AGMO: variants seen among roughly 807,000 people sequenced by gnomAD.
The protein encoded by AGMO is alkylglycerol monooxygenase, also known as glyceryl-ether monooxygenase.
A neutral mutation model predicts 60.2 loss-of-function variants in AGMO; 75 were observed. That is an observed-to-expected ratio of 1.25 (90% confidence interval 1.03 to 1.51). The LOEUF (loss-of-function observed/expected upper bound fraction) is 1.51, where lower values mean the gene tolerates loss of function less well. AGMO is among the 40% of genes most tolerant of loss of function. AGMO has a pLI of 0.00. For missense variants in AGMO, 763 were observed against 525.5 expected (o/e 1.45, Z -4.42); for synonymous variants, 261 against 177.1 (o/e 1.47, Z -3.76).
intron 3 of AGMO, among the ~76,000 whole-genome samples, chr7:15,437,364 A>G (rs1413910307): frequency 1.3e-5 from 2 of 152,294 alleles, no homozygotes; most frequent in East Asian, 3.9e-4. Flanking sequence ...CTCACTTAAT[A>G]TCAGAACACA....
At position 15,524,458 on chromosome 7, in the gene AGMO, TA is replaced by T. The variant is rs748153781; in HGVS notation, c.409+20313del. Among the ~76,000 whole-genome samples, 16 of 152,290 alleles carry T rather than the reference TA, an allele frequency of 1.1e-4. No individual in the cohort carries two copies. The East Asian group carries it at 1.5e-3, about 15-fold the overall frequency. ...CTAAAGTTTAATTGGTAATTATTTA[TA>T]AAAAATGCTAATTTTTGACAACTAA... On this transcript the variant is annotated intron_variant, in intron 3 of 12. Coordinates refer to ENST00000342526, the MANE Select transcript of AGMO (RefSeq NM_001004320.2).
chr7:15,444,682 T>C (rs1781653197), intron 3 of AGMO, among the ~76,000 whole-genome samples: 1 of 152,216 alleles, frequency 6.6e-6, no homozygotes, highest in African/African-American at 2.4e-5. Context: ...CTTTAAAAGA[T>C]CAACTCTTGT....
At chr7:15,497,705 C>T (rs1038802194) in intron 3 of AGMO, among the ~76,000 whole-genome samples, 1 of 151,976 alleles carries the variant, frequency 6.6e-6, no homozygotes, top group African/African-American at 2.4e-5. Flanking sequence ...TTTATTATTG[C>T]AATTTAACAG....
At chr7:15,287,618 G>C (rs1339140078) in intron 12 of AGMO, among the ~76,000 whole-genome samples, 1 of 152,130 alleles carries the variant, frequency 6.6e-6, no homozygotes, top group African/African-American at 2.4e-5. Flanking sequence ...TATTTTAAAA[G>C]TGAGTTGTAT....
Position 15,322,617 on chromosome 7 carries a change from TATAA to T in AGMO, c.1263+42893_1263+42896del, listed in dbSNP as rs1434913758. On this transcript the variant is annotated intron_variant, in intron 12 of 12. Coordinates refer to ENST00000342526, the MANE Select transcript of AGMO (RefSeq NM_001004320.2). ...AAATATATATAAATATATATAAATA[TATAA>T]ATATATATAAATATATATAAATATA... is the stretch of plus-strand genomic sequence containing the variant. 1.6e-4 allele frequency among the ~76,000 whole-genome samples: 10 copies of T among 64,466 alleles called. 1 individual carries two copies. Among genetic ancestry groups the T allele is most frequent in the African/African-American group, 9.2e-4 (10 of 10,824 alleles). 42.3% of individuals were successfully genotyped at this position (64,466 alleles called of 152,430 possible).
chr7:15,509,585 G>C (rs1194625993), intron 3 of AGMO, among the ~76,000 whole-genome samples: 3 of 151,896 alleles, frequency 2.0e-5, no homozygotes, highest in Non-Finnish European at 4.4e-5. Context: ...TAAACAAATA[G>C]ACTATATCAA....
In AGMO at chr7:15,251,372, A is replaced by T. The variant is rs74364339; in HGVS notation, c.1264-50013T>A. On this transcript the variant is annotated intron_variant, in intron 12 of 12. Transcript: ENST00000342526. ...TGTCCTGGGAAATTAAAACAAGATA[A>T]CTTAATGCAGAACATTTGTTCCATC... Among the ~76,000 whole-genome samples, 18 of 152,304 alleles carry T rather than the reference A, an allele frequency of 1.2e-4. 1 individual carries two copies. In the East Asian group the frequency reaches 3.3e-3, roughly 28 times the overall value.
intron 12 of AGMO, among the ~76,000 whole-genome samples, chr7:15,234,405 C>G (rs1583314487): frequency 1.3e-5 from 2 of 152,324 alleles, no homozygotes; most frequent in South Asian, 4.1e-4. Flanking sequence ...ACTCCTTTAT[C>G]TGCTGATGGC....
intron 2 of AGMO, among the ~76,000 whole-genome samples, chr7:15,556,219 GTTTTTTTT>G (rs71004394): frequency 5.5e-5 from 5 of 91,490 alleles, no homozygotes; most frequent in Non-Finnish European, 8.9e-5. Flanking sequence ...CTCCTTTTTA[GTTTTTTTT>G]TTTTTTTTTT....
At chr7:15,334,205 C>T (rs938486973) in intron 12 of AGMO, among the ~76,000 whole-genome samples, 1 of 151,322 alleles carries the variant, frequency 6.6e-6, no homozygotes, top group African/African-American at 2.4e-5. Flanking sequence ...ATTTGAAATG[C>T]TAAACATCAT....
At chr7:15,455,108 C>T (rs1432781872) in intron 3 of AGMO, among the ~76,000 whole-genome samples, 3 of 151,742 alleles carry the variant, frequency 2.0e-5, no homozygotes, top group Non-Finnish European at 2.9e-5. Context: ...CACACACACA[C>T]ACACACACAC....
chr7:15,498,842 T>C lies in AGMO; in HGVS notation c.409+45930A>G, dbSNP rs373992884. ...TTTCTGAAGACATCTCTTGTATATT[T>C]TCTCAGCAGTGCTTCTAGATTTCGA... On this transcript the variant is annotated intron_variant, in intron 3 of 12. Coordinates refer to ENST00000342526, the MANE Select transcript of AGMO (RefSeq NM_001004320.2). 4.7e-4 allele frequency among the ~76,000 whole-genome samples: 72 copies of C among 152,068 alleles called. 1 individual carries two copies. Among genetic ancestry groups the C allele is most frequent in the African/African-American group, 1.7e-3 (69 of 41,550 alleles).
chr7:15,133,351 A>C, the AGMO span, among the ~76,000 whole-genome samples: 1 of 152,208 alleles, frequency 6.6e-6, no homozygotes, highest in African/African-American at 2.4e-5. Flanking sequence ...AATTGTTTTC[A>C]ACAACTGAAC....
chr7:15,432,948 C>G (rs1328808918), intron 3 of AGMO, among the ~76,000 whole-genome samples: 1 of 151,880 alleles, frequency 6.6e-6, no homozygotes, highest in African/African-American at 2.4e-5. Flanking sequence ...GATGAATCCC[C>G]TAAAGTTTAA....
At chr7:15,384,194 C>T (rs1028686099) in intron 10 of AGMO, among the ~76,000 whole-genome samples, 1 of 152,164 alleles carries the variant, frequency 6.6e-6, no homozygotes, top group Non-Finnish European at 1.5e-5. Flanking sequence ...ACCTTGGCCT[C>T]CCAAAGTGCT....
At chr7:15,502,301 T>TC (rs1167379336) in intron 3 of AGMO, among the ~76,000 whole-genome samples, 5 of 151,200 alleles carry the variant, frequency 3.3e-5, no homozygotes, top group Admixed American at 6.6e-5. Flanking sequence ...ATTCTTTCGC[T>TC]CCCCCCAAGT....
chr7:15,160,714 T>C, the AGMO span, among the ~76,000 whole-genome samples: 2 of 152,206 alleles, frequency 1.3e-5, no homozygotes, highest in Non-Finnish European at 2.9e-5. Context: ...CCTACTTTGA[T>C]GGTTAATTTC....
chr7:15,363,832 TAA>T (rs2128560415), intron 12 of AGMO, among the ~76,000 whole-genome samples: 1 of 152,224 alleles, frequency 6.6e-6, no homozygotes, highest in South Asian at 2.1e-4. Context: ...ACCATAAACC[TAA>T]GAGTACTCTC....
At chr7:15,131,071 G>A in the AGMO span, among the ~76,000 whole-genome samples, 21 of 151,962 alleles carry the variant, frequency 1.4e-4, no homozygotes, top group Non-Finnish European at 2.8e-4. Flanking sequence ...GTGTGTGTGT[G>A]CATGAAACCA....
Sources: allele counts gnomAD v4.1 joint callset (sites outside exome capture counted in the v4.1 genomes callset), GRCh38; gene constraint gnomAD v4.1.1; transcripts MANE v1.5; gene names NCBI Gene and HGNC (gene_info 2026-07-23, HGNC 2026-07-21).